The following TLK1 variants were observed in gnomAD, a reference collection of about 807,000 sequenced individuals.
TLK1 encodes serine/threonine-protein kinase tousled-like 1.
A neutral mutation model predicts 105.3 loss-of-function variants in TLK1; 24 were observed. The observed-to-expected ratio is 0.23, with a 90% CI of 0.17 to 0.32. The LOEUF is 0.32. TLK1 is among the 10% of genes least tolerant of loss of function. The pLI is 1.00. For missense variants in TLK1, 558 were observed against 910.5 expected, an observed-to-expected ratio of 0.61 and a Z score of 4.98; for synonymous variants, 321 against 310.4, an observed-to-expected ratio of 1.03 and a Z score of -0.36.
intron 1 of TLK1, among the ~76,000 whole-genome samples, chr2:171,122,583 T>C (rs556386197): frequency 2.6e-5 from 4 of 152,226 alleles, no homozygotes; most frequent in African/African-American, 9.6e-5. Flanking sequence ...ACAAATATTT[T>C]AGTCTTTGCT....
intron 3 of TLK1, among the ~76,000 whole-genome samples, chr2:171,067,173 T>C (rs953865419): frequency 6.6e-5 from 10 of 151,626 alleles, no homozygotes; most frequent in Admixed American, 2.0e-4. Flanking sequence ...TTTTTTTTTT[T>C]TTCTGAGACA....
At chr2:171,132,640 T>C (rs912042199) in intron 1 of TLK1, among the ~76,000 whole-genome samples, 4 of 152,200 alleles carry the variant, frequency 2.6e-5, no homozygotes, top group African/African-American at 9.6e-5. Flanking sequence ...TGTTTAATAC[T>C]GATGGCTGTT....
intron 1 of TLK1, among the ~76,000 whole-genome samples, chr2:171,151,113 CTGGGCTCA>C (rs1692013944): frequency 6.6e-6 from 1 of 151,968 alleles, no homozygotes; most frequent in African/African-American, 2.4e-5. Flanking sequence ...CCTCAACCTC[CTGGGCTCA>C]GGCGATCCAC....
chr2:171,038,881 T>C (rs955245889), intron 11 of TLK1, among the ~76,000 whole-genome samples: 4 of 152,234 alleles, frequency 2.6e-5, no homozygotes, highest in Admixed American at 1.3e-4. Flanking sequence ...GTGTTTTGTT[T>C]TGTAATGCTT....
intron 1 of TLK1, among the ~76,000 whole-genome samples, chr2:171,175,024 G>A (rs1692795095): frequency 6.6e-6 from 1 of 152,120 alleles, no homozygotes. Flanking sequence ...GAGGCTAGGA[G>A]TTTGAGACCA....
chr2:171,117,570 G>A (rs1046504661), intron 2 of TLK1, among the ~76,000 whole-genome samples, 169 bp downstream of exon 2: 7 of 152,112 alleles, frequency 4.6e-5, no homozygotes, highest in Non-Finnish European at 5.9e-5. Flanking sequence ...TAATGCCCCT[G>A]AAATATGGTA....
intron 2 of TLK1, among the ~76,000 whole-genome samples, chr2:171,097,732 T>G (rs1689508353): frequency 6.6e-6 from 1 of 152,194 alleles, no homozygotes; most frequent in African/African-American, 2.4e-5. Flanking sequence ...GAGACCAGCC[T>G]GGCCAACATG....
At chr2:171,139,167 T>C (rs1405573596) in intron 1 of TLK1, among the ~76,000 whole-genome samples, 1 of 152,192 alleles carries the variant, frequency 6.6e-6, no homozygotes, top group Non-Finnish European at 1.5e-5. Flanking sequence ...AGGATATATA[T>C]ATACACACAC....
intron 1 of TLK1, among the ~76,000 whole-genome samples, chr2:171,141,499 T>C (rs1259466113): frequency 6.6e-6 from 1 of 152,030 alleles, no homozygotes; most frequent in Non-Finnish European, 1.5e-5. Context: ...CACCTAGACA[T>C]ATCACAGTAA....
intron 3 of TLK1, among the ~76,000 whole-genome samples, chr2:171,073,421 C>CT (rs1688351435): frequency 6.6e-6 from 1 of 152,100 alleles, no homozygotes; most frequent in Non-Finnish European, 1.5e-5. Flanking sequence ...TCATGACCTA[C>CT]AAGAACTCAA....
chr2:171,207,789 C>T (rs1452297950), intron 1 of TLK1, among the ~76,000 whole-genome samples: 2 of 152,124 alleles, frequency 1.3e-5, no homozygotes, highest in African/African-American at 2.4e-5. Context: ...GGCATGATCT[C>T]GGCTCACTGC....
chr2:171,134,896 G>T (rs1462381326), intron 1 of TLK1, among the ~76,000 whole-genome samples: 1 of 151,566 alleles, frequency 6.6e-6, no homozygotes, highest in African/African-American at 2.4e-5. Flanking sequence ...CCACTGAGCC[G>T]GACCTATTCA....
At chr2:171,166,478 T>A (rs147586954) in intron 1 of TLK1, among the ~76,000 whole-genome samples, 69 of 152,354 alleles carry the variant, frequency 4.5e-4, no homozygotes, top group African/African-American at 1.4e-3. Flanking sequence ...CATTGCCCAA[T>A]GTTTGTGGTT....
At chr2:171,004,253 G>A (rs1248958829) in intron 18 of TLK1, among the ~76,000 whole-genome samples, 1 of 152,012 alleles carries the variant, frequency 6.6e-6, no homozygotes, top group African/African-American at 2.4e-5. Flanking sequence ...GTGAGCCACC[G>A]TGTCCAGCCA....
chr2:171,178,830 A>G (rs1232127923), intron 1 of TLK1, among the ~76,000 whole-genome samples: 1 of 152,204 alleles, frequency 6.6e-6, no homozygotes, highest in African/African-American at 2.4e-5. Context: ...CTGGTTTGGG[A>G]TATCAATTTA....
chr2:171,132,609 A>G (rs1300194563), intron 1 of TLK1, among the ~76,000 whole-genome samples: 1 of 152,242 alleles, frequency 6.6e-6, no homozygotes, highest in Admixed American at 6.5e-5. Flanking sequence ...TAAAAGCCTA[A>G]AAGGGACACT....
intron 1 of TLK1, among the ~76,000 whole-genome samples, chr2:171,183,235 G>T (rs1347207119): frequency 6.6e-6 from 1 of 152,116 alleles, no homozygotes; most frequent in Non-Finnish European, 1.5e-5. Context: ...TTGAGAAACA[G>T]AAAATTTGTC....
rs180750985 is a variant in TLK1 at position 171,075,331 on chromosome 2, C to G, written c.330+7450G>C. On this transcript the variant is annotated intron_variant, in intron 3 of 20. Transcript: ENST00000431350. ...ATTTAAAATTAATAACTCGAAAATC[C>G]CAAAATATACTTTGATGAAAAATAC... 1.1e-3 allele frequency among the ~76,000 whole-genome samples: 164 copies of G among 152,080 alleles called. 1 individual carries two copies. The highest frequency in any genetic ancestry group is 3.6e-3 in the African/African-American group (148 of 41,496).
intron 2 of TLK1, among the ~76,000 whole-genome samples, chr2:171,103,524 G>A (rs1014014193): frequency 1.3e-5 from 2 of 152,018 alleles, no homozygotes; most frequent in Non-Finnish European, 2.9e-5. Flanking sequence ...TTACAGGCAT[G>A]AGCCACCGCT....
Sources: allele counts gnomAD v4.1 joint callset (sites outside exome capture counted in the v4.1 genomes callset), GRCh38; gene constraint gnomAD v4.1.1; transcripts MANE v1.5; gene names NCBI Gene and HGNC (gene_info 2026-07-23, HGNC 2026-07-21).